DNAH2: variants seen among roughly 807,000 people sequenced by gnomAD.
DNAH2 encodes dynein axonemal heavy chain 2, also known as axonemal beta dynein heavy chain 2.
A neutral mutation model predicts 523.5 loss-of-function variants in DNAH2; 323 were observed. The observed-to-expected ratio is 0.62, with a 90% CI of 0.56 to 0.68. The LOEUF (loss-of-function observed/expected upper bound fraction) is 0.68. Among genes scored for constraint, DNAH2 ranks in the 30% least tolerant of loss-of-function variants. The pLI is 0.00. For missense variants in DNAH2, 4,907 were observed against 5,701.5 expected, an observed-to-expected ratio of 0.86 and a Z score of 4.49; for synonymous variants, 2,093 against 2,177.4, an observed-to-expected ratio of 0.96 and a Z score of 1.08.
In DNAH2 at chr17:7,740,927, G is replaced by A; in HGVS notation, c.1624G>A (p.Ala542Thr). The A allele has an allele frequency of 6.2e-7, 1 of 1,613,602 alleles. No homozygotes were observed. The highest frequency in any genetic ancestry group is 8.5e-7 in the Non-Finnish European group (1 of 1,179,536). Residue 542 changes from alanine to threonine, a missense_variant, in exon 11 of 86, where the codon GCC (alanine) becomes ACC (threonine). Physicochemically the swap from Ala to Thr is moderately conservative, Grantham distance 58. Around this residue, in one of 3 missense-constraint regions of DNAH2, gnomAD observed 2,806 missense variants for 3,190.8 expected, o/e 0.88. Coordinates refer to ENST00000572933, the MANE Select transcript of DNAH2 (RefSeq NM_020877.5). ...KKWPDLEPYV[A>T]QYSGKARWVH... Reference sequence around the variant, plus strand: ...ATGGCCAGACCTGGAGCCCTACGTGGCCCAGTATTCCGGAAAGGCGCGCTG... The same window carrying A: ...ATGGCCAGACCTGGAGCCCTACGTGACCCAGTATTCCGGAAAGGCGCGCTG...
chr17:7,763,242 T>A (rs926240686), intron 18 of DNAH2, among the ~76,000 whole-genome samples: 43 of 152,214 alleles, frequency 2.8e-4, no homozygotes, highest in Non-Finnish European at 4.4e-5. Context: ...TACTGCAAGC[T>A]CCGCCTCCCA....
chr17:7,817,557 C>T lies in DNAH2; in HGVS notation c.10021-4C>T. ...GTTAAAGCATGGGGCTTTTCTCTCC[C>T]CAGATCTGGGAGCTTCAGGTTCCTT... On this transcript the variant is annotated splice_polypyrimidine_tract_variant and splice_region_variant and intron_variant, in intron 65 of 85. Transcript: ENST00000572933. 1.2e-6 allele frequency: 2 copies of T among 1,614,118 alleles called. No individual in the cohort carries two copies. Among genetic ancestry groups the T allele is most frequent in the Non-Finnish European group, 1.7e-6 (2 of 1,180,008 alleles).
chr17:7,817,997 C>G lies in DNAH2; in HGVS notation c.10288C>G (p.His3430Asp). 2 of 1,614,118 alleles carry G rather than the reference C, an allele frequency of 1.2e-6. No homozygotes were observed. The highest frequency in any genetic ancestry group is 1.7e-6 in the Non-Finnish European group (2 of 1,180,020). Residue 3430 changes from histidine to aspartate, a missense_variant, in exon 68 of 86, where the codon CAC becomes GAC. His to Asp is a moderately conservative substitution (Grantham distance 81, BLOSUM62 -1). Coordinates refer to ENST00000572933, the MANE Select transcript of DNAH2 (RefSeq NM_020877.5). ...GAGCGATTACCTGCGAATCCTAGAA[C>G]ACGCCATTCACTTTGGATACCCGGT... Reference protein sequence around the residue: ...QMSDYLRILEHAIHFGYPVLL... With the variant: ...QMSDYLRILEDAIHFGYPVLL...
intron 8 of DNAH2, among the ~76,000 whole-genome samples, chr17:7,737,802 G>A (rs894266429): frequency 6.6e-6 from 1 of 152,116 alleles, no homozygotes; most frequent in South Asian, 2.1e-4. Context: ...GGAACCCAGA[G>A]GTGTCGGCCT....
rs141190978 is a variant in DNAH2, at chr17:7,802,418, G to A, written c.8972+401G>A. Among the ~76,000 whole-genome samples, 486 of 152,228 alleles carry A rather than the reference G, an allele frequency of 3.2e-3. 1 individual carries two copies. Among genetic ancestry groups the A allele is most frequent in the African/African-American group, 0.01 (421 of 41,538 alleles). The stretch of plus-strand genomic sequence containing the variant: ...AACACAGTACAGTCCCTCAGCATCC[G>A]TGGGGGATTGGTTCCAGGACCTCCC... On this transcript the variant is annotated intron_variant, in intron 58 of 85. Transcript: ENST00000572933.
At chr17:7,808,006 C>T (rs751433506) in intron 63 of DNAH2, among the ~76,000 whole-genome samples, 5 of 152,056 alleles carry the variant, frequency 3.3e-5, no homozygotes, top group Middle Eastern at 3.2e-3. Context: ...TGTGTGGGGA[C>T]GGGCTCTCCC....
In DNAH2 at chr17:7,833,649, G is replaced by A. The variant is rs1597808971; in HGVS notation, c.*116G>A. ...TCAGACTTTGACCTTGGCCGAATTT[G>A]TGTGATGTGGCCCTGGAGATACCTA... On this transcript the variant is annotated 3_prime_UTR_variant, in exon 86 of 86. Transcript: ENST00000572933. The A allele has an allele frequency of 4.3e-6, 6 of 1,401,196 alleles. No individual in the cohort carries two copies. In the East Asian group the frequency reaches 1.4e-4, roughly 33 times the overall value. 86.8% of individuals were successfully genotyped at this position (1,401,196 alleles called of 1,614,324 possible).
chr17:7,828,396 C>T lies in DNAH2; in HGVS notation c.11854-1904C>T, dbSNP rs940548674. The stretch of plus-strand genomic sequence containing the variant: ...TATTCATCAGTTTGGGGAAAATTCA[C>T]ATCCTTAGAACAATGAAACTCCTAA... On this transcript the variant is annotated intron_variant, in intron 77 of 85. Coordinates refer to ENST00000572933, the MANE Select transcript of DNAH2 (RefSeq NM_020877.5). This position sits in a 1 kb window ranked among gnomAD's most constrained non-coding sequence, Gnocchi z 4.1. Among the ~76,000 whole-genome samples, 1 of 152,036 alleles carries T rather than the reference C, an allele frequency of 6.6e-6. No individual in the cohort carries two copies. Among genetic ancestry groups the T allele is most frequent in the Non-Finnish European group, 1.5e-5 (1 of 68,038 alleles).
intron 11 of DNAH2, 55 bp from the exon 12 acceptor site, chr17:7,742,873 G>T (rs991371716): frequency 1.7e-5 from 22 of 1,273,752 alleles, no homozygotes; most frequent in Non-Finnish European, 2.0e-5. Flanking sequence ...GGAGATGGTG[G>T]CCCCTGGAGG....
At position 7,818,396 on chromosome 17, in the gene DNAH2, A is replaced by G; in HGVS notation, c.10472A>G (p.Asn3491Ser). 1 of 1,614,006 alleles carries G rather than the reference A, an allele frequency of 6.2e-7. No individual in the cohort carries two copies. The highest frequency in any genetic ancestry group is 8.5e-7 in the Non-Finnish European group (1 of 1,180,002). ...TTCTACATCACCACCAAGCTCTCCA[A>G]CCCCCACTACAGCCCAGAGACCTCA... Reference protein sequence around the residue: ...FRFYITTKLSNPHYSPETSAK... With the variant: ...FRFYITTKLSSPHYSPETSAK... Residue 3491 changes from asparagine to serine, a missense_variant, in exon 69 of 86, where the codon AAC (asparagine) becomes AGC (serine). Asn to Ser is a conservative substitution (Grantham distance 46). This residue lies in a region of DNAH2 where 1,851 missense variants were observed against 2,139.4 expected (regional missense o/e 0.87). Coordinates refer to ENST00000572933, the MANE Select transcript of DNAH2 (RefSeq NM_020877.5).
chr17:7,757,700 C>T (rs1355015490), intron 13 of DNAH2, among the ~76,000 whole-genome samples: 2 of 152,168 alleles, frequency 1.3e-5, no homozygotes, highest in East Asian at 3.8e-4. Flanking sequence ...TAACAAAATG[C>T]CATAGACCGG....
chr17:7,779,492 C>T (rs907823059), intron 36 of DNAH2, 69 bp downstream of exon 36: 20 of 1,483,106 alleles, frequency 1.3e-5, no homozygotes, highest in Non-Finnish European at 1.5e-5. Flanking sequence ...AATAACTGCG[C>T]ATCCTCCTCT....
intron 12 of DNAH2, among the ~76,000 whole-genome samples, chr17:7,749,350 A>AAAAAAAAAAAAAAATCTTGCC (rs2075619753): frequency 7.4e-6 from 1 of 134,536 alleles, no homozygotes; most frequent in Non-Finnish European, 1.6e-5. Context: ...AAAAAAAAAG[A>AAAAAAAAAAAAAAATCTTGCC]AAGAAAAAAG....
Position 7,765,543 on chromosome 17 carries a change from T to G in DNAH2, c.3489T>G (p.Leu1163=). ...ACTTCAAGAAGAAAGCACATACACT[T>G]CTGGAAGATTTCGAATTCAAAGGTA... ...ADDFKKKAHT[L]LEDFEFKGHF... Residue 1163 remains leucine, a synonymous_variant, in exon 21 of 86, where the codon CTT becomes CTG. Coordinates refer to ENST00000572933, the MANE Select transcript of DNAH2 (RefSeq NM_020877.5). 1 of 1,613,584 alleles carries G rather than the reference T, an allele frequency of 6.2e-7. No homozygotes were observed. The highest frequency in any genetic ancestry group is 8.5e-7 in the Non-Finnish European group (1 of 1,179,760).
rs757048745 is a variant in DNAH2 at position 7,727,079 on chromosome 17, C to CA, written c.229-43_229-42insA. The CA allele has an allele frequency of 2.7e-6, 4 of 1,492,214 alleles. No individual in the cohort carries two copies. The South Asian group carries it at 5.9e-5, about 22-fold the overall frequency. The allele number at this position is 1,492,214 out of a possible 1,614,324, so 92.4% of individuals were successfully genotyped here. ...TTGTGGATGGGAGGAATGACTCATC[C>CA]TGGCAGTTGTAGTTACTTTGGCCCT... On this transcript the variant is annotated intron_variant, in intron 3 of 85. Coordinates refer to ENST00000572933, the MANE Select transcript of DNAH2 (RefSeq NM_020877.5).
At chr17:7,816,358 AATTCACCTCATCTCACGTATTTT>A (rs2077665385) in intron 63 of DNAH2, among the ~76,000 whole-genome samples, 190 bp from the exon 64 acceptor site, 1 of 152,116 alleles carries the variant, frequency 6.6e-6, no homozygotes, top group Non-Finnish European at 1.5e-5. Flanking sequence ...AGGGGAAGAA[AATTCACCTCATCTCACGTATTTT>A]ATCTCATTTA....
In DNAH2 at chr17:7,817,314, C is replaced by G. The variant is rs751951259; in HGVS notation, c.9919C>G (p.Leu3307Val). ...GGGCCTGGAGGAGGACCTGGGCTACCTGGTGGGGGACTGTCTCCTGGCAGC... is the reference window on the plus strand; with the variant it reads ...GGGCCTGGAGGAGGACCTGGGCTACGTGGTGGGGGACTGTCTCCTGGCAGC... ...VQGLEEDLGY[L>V]VGDCLLAAAF... The change falls in exon 65 of 86, where the codon CTG becomes GTG. Residue 3307 changes from leucine (L) to valine (V), a missense_variant. Leu to Val is a conservative substitution (Grantham distance 32, BLOSUM62 1). Coordinates refer to ENST00000572933, the MANE Select transcript of DNAH2 (RefSeq NM_020877.5). 6.2e-7 allele frequency: 1 copy of G among 1,603,992 alleles called. No individual in the cohort carries two copies. Among genetic ancestry groups the G allele is most frequent in the South Asian group, 1.1e-5 (1 of 89,296 alleles).
Position 7,833,064 on chromosome 17 carries a change from T to A in DNAH2, c.12979-7T>A. The A allele has an allele frequency of 6.2e-7, 1 of 1,613,408 alleles. No individual in the cohort carries two copies. Among genetic ancestry groups the A allele is most frequent in the Middle Eastern group, 1.6e-4 (1 of 6,062 alleles). Reference sequence around the variant, plus strand: ...CTTCTCCCAGACCTGCTCCCATTTCTCCCCAGGATGGTGTCTGGGTCCGGG... The same window carrying A: ...CTTCTCCCAGACCTGCTCCCATTTCACCCCAGGATGGTGTCTGGGTCCGGG... On this transcript the variant is annotated splice_region_variant and splice_polypyrimidine_tract_variant and intron_variant, in intron 84 of 85. Transcript: ENST00000572933.
intron 12 of DNAH2, among the ~76,000 whole-genome samples, chr17:7,751,950 T>TGC (rs2075696200): frequency 2.0e-5 from 3 of 147,378 alleles, no homozygotes; most frequent in African/African-American, 5.0e-5. Context: ...TGTGTGTGCG[T>TGC]GTTTTGAGAC....
Sources: allele counts gnomAD v4.1 joint callset (sites outside exome capture counted in the v4.1 genomes callset), GRCh38; gene constraint gnomAD v4.1.1; regional missense constraint gnomAD v4.1.1; non-coding constraint Gnocchi (gnomAD v3.1); transcripts MANE v1.5; gene names NCBI Gene and HGNC (gene_info 2026-07-23, HGNC 2026-07-21).